The following MLLT3 variants were observed in gnomAD, a reference collection of about 807,000 sequenced individuals.
MLLT3 encodes MLLT3 super elongation complex subunit, also known as protein AF-9.
A neutral mutation model predicts 53.2 loss-of-function variants in MLLT3; 4 were observed. The ratio of observed to expected loss-of-function variants is 0.08; its 90% confidence interval spans 0.04 to 0.17. The LOEUF (loss-of-function observed/expected upper bound fraction) is 0.17, where lower values mean the gene tolerates loss of function less well. Ranked by LOEUF, MLLT3 falls within the 10% of genes least tolerant of loss-of-function variation. The pLI is 1.00. For missense variants in MLLT3, 569 were observed against 684.0 expected (o/e 0.83, Z 1.87); for synonymous variants, 283 against 230.6 (o/e 1.23, Z -2.06).
intron 5 of MLLT3, among the ~76,000 whole-genome samples, chr9:20,391,365 A>T (rs978879692): frequency 3.3e-5 from 5 of 152,224 alleles, no homozygotes; most frequent in African/African-American, 1.2e-4. Context: ...TCAACAAGGT[A>T]AACAAGATAA....
chr9:20,459,833 A>G (rs1824065841), intron 2 of MLLT3, among the ~76,000 whole-genome samples: 1 of 152,202 alleles, frequency 6.6e-6, no homozygotes, highest in Admixed American at 6.5e-5. Flanking sequence ...TAAATGCAAC[A>G]ATTTCATCAA....
At chr9:20,373,023 GAAGGTATGC>G (rs1479579218) in intron 5 of MLLT3, among the ~76,000 whole-genome samples, 2 of 152,154 alleles carry the variant, frequency 1.3e-5, no homozygotes, top group African/African-American at 4.8e-5. Context: ...GCAGTGTCTC[GAAGGTATGC>G]CTACATATGC....
At chr9:20,595,813 A>G (rs1820247057) in intron 2 of MLLT3, among the ~76,000 whole-genome samples, 1 of 152,318 alleles carries the variant, frequency 6.6e-6, no homozygotes, top group African/African-American at 2.4e-5. Flanking sequence ...TATCCCTCAC[A>G]AAAGCACATA....
intron 2 of MLLT3, among the ~76,000 whole-genome samples, chr9:20,543,679 AGAGGAG>A (rs1269218524): frequency 1.3e-5 from 2 of 151,288 alleles, no homozygotes; most frequent in African/African-American, 2.4e-5. Context: ...GAGAAGGAGA[AGAGGAG>A]GAGGAAGAGG....
chr9:20,484,387 T>C (rs1824751810), intron 2 of MLLT3, among the ~76,000 whole-genome samples: 1 of 152,210 alleles, frequency 6.6e-6, no homozygotes, highest in East Asian at 1.9e-4. Context: ...CTACCGTCAT[T>C]ACTACACTGC....
At chr9:20,422,565 A>T (rs1388492334) in intron 4 of MLLT3, among the ~76,000 whole-genome samples, 1 of 152,206 alleles carries the variant, frequency 6.6e-6, no homozygotes, top group Non-Finnish European at 1.5e-5. Flanking sequence ...TTAAGCAAGA[A>T]CCAACACATA....
chr9:20,553,507 A>C (rs143069232), intron 2 of MLLT3, among the ~76,000 whole-genome samples: 35 of 152,160 alleles, frequency 2.3e-4, no homozygotes, highest in Non-Finnish European at 5.0e-4. Context: ...CATCTGTAAC[A>C]CTCATTCAAC....
chr9:20,575,507 T>C, intron 2 of MLLT3, among the ~76,000 whole-genome samples: 1 of 152,200 alleles, frequency 6.6e-6, no homozygotes, highest in East Asian at 1.9e-4. Context: ...AATGAATTTC[T>C]TAAATAACAA....
chr9:20,454,968 T>A (rs903960921), intron 3 of MLLT3, among the ~76,000 whole-genome samples: 1 of 152,328 alleles, frequency 6.6e-6, no homozygotes, highest in South Asian at 2.1e-4. Flanking sequence ...AAATGAGGTA[T>A]ACTTCACATC....
intron 2 of MLLT3, among the ~76,000 whole-genome samples, chr9:20,462,092 G>C (rs1218260988): frequency 6.6e-6 from 1 of 152,178 alleles, no homozygotes; most frequent in Non-Finnish European, 1.5e-5. Context: ...TCTAGAGCCA[G>C]CGTCTGAAAG....
At chr9:20,480,983 G>A (rs566849213) in intron 2 of MLLT3, among the ~76,000 whole-genome samples, 1 of 152,220 alleles carries the variant, frequency 6.6e-6, no homozygotes, top group African/African-American at 2.4e-5. Context: ...AAGTAATGGC[G>A]AAGCACGCAC....
chr9:20,588,928 G>C (rs1194818640), intron 2 of MLLT3, among the ~76,000 whole-genome samples: 3 of 151,250 alleles, frequency 2.0e-5, no homozygotes, highest in Non-Finnish European at 4.4e-5. Flanking sequence ...TAAAAAGTCA[G>C]GAAACAACAG....
intron 4 of MLLT3, among the ~76,000 whole-genome samples, chr9:20,446,552 C>T (rs1207116917): frequency 1.3e-5 from 2 of 152,178 alleles, no homozygotes; most frequent in Non-Finnish European, 2.9e-5. Context: ...TTATCAGAAG[C>T]ATGACGTACT....
At chr9:20,518,312 C>T (rs1339670626) in intron 2 of MLLT3, among the ~76,000 whole-genome samples, 1 of 152,160 alleles carries the variant, frequency 6.6e-6, no homozygotes, top group Non-Finnish European at 1.5e-5. Flanking sequence ...CGCCATTGCA[C>T]TCCAACCTGG....
intron 5 of MLLT3, among the ~76,000 whole-genome samples, chr9:20,408,653 T>TTTACA (rs1822647961): frequency 6.6e-6 from 1 of 152,144 alleles, no homozygotes; most frequent in African/African-American, 2.4e-5. Flanking sequence ...ACTTACAGAC[T>TTTACA]TTACAGCTCT....
chr9:20,470,573 A>G (rs998961028), intron 2 of MLLT3, among the ~76,000 whole-genome samples: 1 of 152,048 alleles, frequency 6.6e-6, no homozygotes, highest in African/African-American at 2.4e-5. Flanking sequence ...GACTACCAAG[A>G]AACTGAATAA....
intron 5 of MLLT3, among the ~76,000 whole-genome samples, chr9:20,384,250 A>T (rs1821974398): frequency 6.6e-6 from 1 of 152,010 alleles, no homozygotes; most frequent in Non-Finnish European, 1.5e-5. Context: ...CTACTTTATA[A>T]AATATTACAA....
chr9:20,364,466 A>G (rs1287422739), intron 6 of MLLT3, among the ~76,000 whole-genome samples: 1 of 152,198 alleles, frequency 6.6e-6, no homozygotes, highest in Admixed American at 6.5e-5. Flanking sequence ...AAGAGGTTAT[A>G]AAGACAATGA....
intron 2 of MLLT3, among the ~76,000 whole-genome samples, chr9:20,519,985 G>A (rs992495439): frequency 2.6e-5 from 4 of 152,052 alleles, no homozygotes; most frequent in East Asian, 1.9e-4. Context: ...AAGAAAATAT[G>A]GTACATATAT....
Sources: allele counts gnomAD v4.1 joint callset (sites outside exome capture counted in the v4.1 genomes callset), GRCh38; gene constraint gnomAD v4.1.1; transcripts MANE v1.5; gene names NCBI Gene and HGNC (gene_info 2026-07-23, HGNC 2026-07-21).